Variants in CFAP73 observed in about 807,000 individuals in gnomAD.
CFAP73 encodes the protein cilia and flagella associated protein 73.
In CFAP73, 33 loss-of-function variants were observed where a neutral mutation model predicts 42.9. The ratio of observed to expected loss-of-function variants is 0.77; its 90% CI spans 0.58 to 1.03. The LOEUF (loss-of-function observed/expected upper bound fraction) is 1.03. Among genes scored for constraint, CFAP73 ranks in the 50% least tolerant of loss-of-function variants. The probability of loss-of-function intolerance (pLI) is 0.00; values close to 1 mark genes in which losing one functional copy is unlikely to be tolerated. For missense variants in CFAP73, 392 were observed against 411.9 expected (o/e 0.95, Z 0.42); for synonymous variants, 162 against 186.8 (o/e 0.87, Z 1.08).
At position 113,154,825 on chromosome 12, in the gene CFAP73, G is replaced by A. The variant is rs1952102553; in HGVS notation, c.690+190G>A. 6.6e-6 allele frequency among the ~76,000 whole-genome samples: 1 copy of A among 152,234 alleles called. No homozygotes were observed. The highest frequency in any genetic ancestry group is 2.1e-4 in the South Asian group (1 of 4,832). On this transcript the variant is annotated intron_variant, in intron 5 of 7. Transcript: ENST00000335621. This position sits in a 1 kb window ranked among gnomAD's most constrained non-coding sequence, Gnocchi z 4.7. ...GGCCCCGCCCCATCCGCCTGCACAA[G>A]GCTCCTGCACCCCACTCCCGAGAGC...
chr12:113,149,830 A>G lies in CFAP73; in HGVS notation c.-28A>G. 1.3e-6 allele frequency: 2 copies of G among 1,550,974 alleles called. No homozygotes were observed. Among genetic ancestry groups the G allele is most frequent in the African/African-American group, 2.7e-5 (2 of 73,172 alleles). Reference sequence around the variant, plus strand: ...GCTTGTGCAAAACTCCAGCTGGTGGAAAGAAAGCTGGGGCAACTGCCAGAA... The same window carrying G: ...GCTTGTGCAAAACTCCAGCTGGTGGGAAGAAAGCTGGGGCAACTGCCAGAA... On this transcript the variant is annotated 5_prime_UTR_variant, in exon 1 of 8. Coordinates refer to ENST00000335621, the MANE Select transcript of CFAP73 (RefSeq NM_001144872.3).
intron 6 of CFAP73, among the ~76,000 whole-genome samples, chr12:113,157,016 T>G (rs1952136603): frequency 6.6e-6 from 1 of 152,322 alleles, no homozygotes; most frequent in African/African-American, 2.4e-5. Context: ...GCTTCATTTG[T>G]TCATTGCATT....
In CFAP73 at chr12:113,158,992, C is replaced by T. The variant is rs750083509; in HGVS notation, c.*303C>T. The T allele has an allele frequency of 1.9e-5, 31 of 1,611,386 alleles. No individual in the cohort carries two copies. The highest frequency in any genetic ancestry group is 1.2e-4 in the South Asian group (11 of 90,698). On this transcript the variant is annotated 3_prime_UTR_variant, in exon 8 of 8. Transcript: ENST00000335621. This position sits in a 1 kb window ranked among gnomAD's most constrained non-coding sequence, Gnocchi z 4.9. ...GGCAGAGAGCTGCTTGAGGCCACCA[C>T]GCTGCAGGAAGTGCAGCTTCTGGGC...
intron 3 of CFAP73, 49 bp downstream of exon 3, chr12:113,152,936 A>G (rs1471505846): frequency 1.5e-6 from 2 of 1,303,768 alleles, no homozygotes; most frequent in Non-Finnish European, 1.1e-6. Flanking sequence ...GTAGCAGCCC[A>G]CACTCCTATA....
intron 6 of CFAP73, chr12:113,157,336 C>T (rs1566089874): frequency 4.0e-6 from 2 of 495,598 alleles, no homozygotes; most frequent in East Asian, 6.0e-5. Context: ...AATGAAAATA[C>T]TAATTGGATA....
chr12:113,150,580 C>G (rs1033410529), intron 1 of CFAP73, among the ~76,000 whole-genome samples: 2 of 152,128 alleles, frequency 1.3e-5, no homozygotes, highest in Non-Finnish European at 2.9e-5. Flanking sequence ...TCCATCAGTT[C>G]TGCTCTCACC....
intron 4 of CFAP73, 148 bp downstream of exon 4, chr12:113,153,556 A>T: frequency 1.5e-6 from 1 of 653,508 alleles, no homozygotes. Context: ...TGGAGCGCTC[A>T]CTGTAAGCAA....
Position 113,155,246 on chromosome 12 carries a change from C to T in CFAP73, c.691-14C>T, listed in dbSNP as rs1952108220. ...CCAGTTGCCATAATTGGGAGTGGGG[C>T]GGGTGTTCTCCAGGAATCCAAGTGG... is the stretch of plus-strand genomic sequence containing the variant. On this transcript the variant is annotated splice_polypyrimidine_tract_variant and intron_variant, in intron 5 of 7. Transcript: ENST00000335621. 8 of 1,517,134 alleles carry T rather than the reference C, an allele frequency of 5.3e-6. No homozygotes were observed. Among genetic ancestry groups the T allele is most frequent in the South Asian group, 2.5e-5 (2 of 81,490 alleles). The allele number at this position is 1,517,134 out of a possible 1,614,324, so 94.0% of individuals were successfully genotyped here. A position where few individuals can be genotyped will look rare whatever the true frequency, so the allele number is the denominator to read the frequency against.
chr12:113,153,279 G>C lies in CFAP73; in HGVS notation c.339G>C (p.Glu113Asp). 1 of 1,519,614 alleles carries C rather than the reference G, an allele frequency of 6.6e-7. No homozygotes were observed. Among genetic ancestry groups the C allele is most frequent in the Non-Finnish European group, 8.8e-7 (1 of 1,139,854 alleles). 94.1% of individuals were successfully genotyped at this position (1,519,614 alleles called of 1,614,324 possible). ...AGAGGCACCAGGCGGGCCGTCGGGA[G>C]GTGGAGGCGCTGCGTCTGTGGACCC... ...AEERHQAGRR[E>D]VEALRLWTQL... The change falls in exon 4 of 8, where the codon GAG becomes GAC. Residue 113 changes from glutamate (E) to aspartate (D), a missense_variant. Glu to Asp is a conservative substitution (Grantham distance 45, BLOSUM62 2). Coordinates refer to ENST00000335621, the MANE Select transcript of CFAP73 (RefSeq NM_001144872.3).
intron 1 of CFAP73, among the ~76,000 whole-genome samples, chr12:113,150,432 T>G (rs1222320382): frequency 6.6e-6 from 1 of 152,094 alleles, no homozygotes; most frequent in African/African-American, 2.4e-5. Context: ...CTCCTGGGCC[T>G]CTCCCTGCAG....
intron 6 of CFAP73, among the ~76,000 whole-genome samples, chr12:113,155,716 G>C (rs1018939639): frequency 6.6e-6 from 1 of 152,074 alleles, no homozygotes; most frequent in African/African-American, 2.4e-5. Context: ...CCCTCTACCA[G>C]GAAGGCCAGG....
At position 113,154,668 on chromosome 12, in the gene CFAP73, A is replaced by G; in HGVS notation, c.690+33A>G. Reference sequence around the variant, plus strand: ...CCGCCCTAGGTGGGGGGCGCTCCGGACCCCAGGCTTCCACAGCCGGGCGGG... The same window carrying G: ...CCGCCCTAGGTGGGGGGCGCTCCGGGCCCCAGGCTTCCACAGCCGGGCGGG... On this transcript the variant is annotated intron_variant, in intron 5 of 7. Transcript: ENST00000335621. This position sits in a 1 kb window ranked among gnomAD's most constrained non-coding sequence, Gnocchi z 4.7. The G allele has an allele frequency of 8.0e-6, 11 of 1,379,100 alleles. No individual in the cohort carries two copies. The highest frequency in any genetic ancestry group is 1.0e-5 in the Non-Finnish European group (11 of 1,075,368). 85.4% of individuals were successfully genotyped at this position (1,379,100 alleles called of 1,614,324 possible).
intron 3 of CFAP73, 154 bp downstream of exon 3, chr12:113,153,041 A>T: frequency 2.7e-5 from 6 of 219,242 alleles, no homozygotes; most frequent in East Asian, 1.1e-4. Flanking sequence ...GCAACCGATT[A>T]AAAAAAAAAA....
In CFAP73 at chr12:113,159,070, C is replaced by T. The variant is rs769217668; in HGVS notation, c.*381C>T. The T allele has an allele frequency of 3.9e-5, 63 of 1,608,004 alleles. No homozygotes were observed. The highest frequency in any genetic ancestry group is 1.5e-4 in the African/African-American group (11 of 74,884). ...CTTGGTCTTGAGTTCCGGGCGGACTCGGCCTGCAGGGGTGCCTGGGGCGTG... is the reference window on the plus strand; with the variant it reads ...CTTGGTCTTGAGTTCCGGGCGGACTTGGCCTGCAGGGGTGCCTGGGGCGTG... On this transcript the variant is annotated 3_prime_UTR_variant, in exon 8 of 8. Coordinates refer to ENST00000335621, the MANE Select transcript of CFAP73 (RefSeq NM_001144872.3).
chr12:113,154,511 A>G lies in CFAP73; in HGVS notation c.566A>G (p.Glu189Gly). The G allele has an allele frequency of 6.6e-7, 1 of 1,522,510 alleles. No individual in the cohort carries two copies. The highest frequency in any genetic ancestry group is 1.4e-5 in the African/African-American group (1 of 69,786). 94.3% of individuals were successfully genotyped at this position (1,522,510 alleles called of 1,614,324 possible). A position where few individuals can be genotyped will look rare whatever the true frequency, so the allele number is the denominator to read the frequency against. Residue 189 changes from glutamate to glycine, a missense_variant, in exon 5 of 8, where the codon GAG becomes GGG. Glu to Gly is a moderately conservative substitution (Grantham distance 98). Transcript: ENST00000335621. The surrounding 1 kb of genome is among the most constrained non-coding windows in gnomAD (Gnocchi z 4.7). ...LREREQLAEL[E>G]AARARLQQLR... ...GAGCGCGAGCAGCTCGCGGAGCTGG[A>G]GGCGGCGCGAGCGCGGCTGCAGCAG...
rs1245291065 is a variant in CFAP73, at chr12:113,151,960, G to T, written c.99G>T (p.Leu33=). 6.4e-7 allele frequency: 1 copy of T among 1,551,610 alleles called. No individual in the cohort carries two copies. The highest frequency in any genetic ancestry group is 8.7e-7 in the Non-Finnish European group (1 of 1,146,972). Residue 33 remains leucine, a synonymous_variant, in exon 2 of 8, where the codon CTG becomes CTT. Transcript: ENST00000335621. The part of the protein sequence containing the change: ...EQAEDHVPPV[L]RLLEKRQELV... ...CTGAGGATCATGTCCCACCAGTACT[G>T]CGTCTCCTGGAGAAGAGGCAAGAGC...
chr12:113,154,734 T>C lies in CFAP73; in HGVS notation c.690+99T>C. On this transcript the variant is annotated intron_variant, in intron 5 of 7. Transcript: ENST00000335621. This position sits in a 1 kb window ranked among gnomAD's most constrained non-coding sequence, Gnocchi z 4.7. The stretch of plus-strand genomic sequence containing the variant: ...TGATGAGGACCGATGGGGCAATGCT[T>C]ACCCCAGAGGGTCCGCTGCACTAAG... 1 of 1,355,872 alleles carries C rather than the reference T, an allele frequency of 7.4e-7. No homozygotes were observed. Among genetic ancestry groups the C allele is most frequent in the Non-Finnish European group, 9.4e-7 (1 of 1,061,706 alleles). 84.0% of individuals were successfully genotyped at this position (1,355,872 alleles called of 1,614,324 possible).
At position 113,152,815 on chromosome 12, in the gene CFAP73, G is replaced by A; in HGVS notation, c.195G>A (p.Gln65=). The change falls in exon 3 of 8, where the codon CAG becomes CAA. Residue 65 remains glutamine (Q), a synonymous_variant. Coordinates refer to ENST00000335621, the MANE Select transcript of CFAP73 (RefSeq NM_001144872.3). ...VFRTKTAALK[Q]RWEQLEQKER... ...GCACCAAGACGGCAGCCCTGAAACA[G>A]CGTTGGGAACAGCTGGAACAAAAGG... The A allele has an allele frequency of 1.9e-6, 3 of 1,551,724 alleles. No homozygotes were observed. The highest frequency in any genetic ancestry group is 2.6e-6 in the Non-Finnish European group (3 of 1,146,986).
At chr12:113,151,892 C>T in intron 1 of CFAP73, 26 bp from the exon 2 acceptor site, 1 of 1,509,076 alleles carries the variant, frequency 6.6e-7, no homozygotes, top group Non-Finnish European at 9.0e-7. Flanking sequence ...TTCCTTCACC[C>T]CCACCTCCTA....
Sources: allele counts gnomAD v4.1 joint callset (sites outside exome capture counted in the v4.1 genomes callset), GRCh38; gene constraint gnomAD v4.1.1; non-coding constraint Gnocchi (gnomAD v3.1); transcripts MANE v1.5; gene names NCBI Gene and HGNC (gene_info 2026-07-23, HGNC 2026-07-21).